SP1: variants seen among roughly 807,000 people sequenced by gnomAD.
SP1 encodes transcription factor Sp1.
A neutral mutation model predicts 66.3 loss-of-function variants in SP1; 6 were observed. The ratio of observed to expected loss-of-function variants is 0.09; its 90% CI spans 0.05 to 0.18. The LOEUF (loss-of-function observed/expected upper bound fraction) is 0.18, where lower values mean the gene tolerates loss of function less well. Ranked by LOEUF, SP1 falls within the 10% of genes least tolerant of loss-of-function variation. The pLI, the probability that SP1 is intolerant of heterozygous loss-of-function variation, is 1.00. For synonymous variants in SP1, 417 were observed against 360.8 expected (o/e 1.16, Z -1.77); for missense variants, 848 against 964.5 (o/e 0.88, Z 1.60).
intron 3 of SP1, among the ~76,000 whole-genome samples, chr12:53,401,801 T>G (rs1938616115): frequency 6.6e-6 from 1 of 152,118 alleles, no homozygotes; most frequent in Admixed American, 6.6e-5. Context: ...TCCAAGTAGC[T>G]AGGATTACAG....
intron 3 of SP1, among the ~76,000 whole-genome samples, chr12:53,393,149 C>G (rs954174532): frequency 8.5e-5 from 13 of 152,158 alleles, no homozygotes; most frequent in Non-Finnish European, 1.2e-4. Context: ...TATAAAATAC[C>G]TAGATCAAGA....
intron 3 of SP1, among the ~76,000 whole-genome samples, chr12:53,397,363 T>C (rs1034385222): frequency 6.6e-6 from 1 of 152,002 alleles, no homozygotes; most frequent in Non-Finnish European, 1.5e-5. Flanking sequence ...TCTCAGCTAA[T>C]TCCTGTCACC....
In SP1 at chr12:53,410,785, G is replaced by A. The variant is rs148929766; in HGVS notation, c.2045-142G>A. On this transcript the variant is annotated intron_variant, in intron 5 of 5. Coordinates refer to ENST00000327443, the MANE Select transcript of SP1 (RefSeq NM_138473.3). ...TGGGATTACAAGCGTGAGCCACCAC[G>A]CCCAGCCACTTGAAGATTTTTCTTG... 1.1e-4 allele frequency: 76 copies of A among 688,392 alleles called. No homozygotes were observed. The East Asian group carries it at 1.6e-3, about 15-fold the overall frequency. 42.6% of individuals were successfully genotyped at this position (688,392 alleles called of 1,614,324 possible).
intron 3 of SP1, among the ~76,000 whole-genome samples, chr12:53,387,305 A>G (rs1043916343): frequency 6.6e-6 from 1 of 152,160 alleles, no homozygotes; most frequent in African/African-American, 2.4e-5. Context: ...TACTTTTGTT[A>G]CCAAGTTCTC....
At chr12:53,386,853 C>A (rs571330125) in intron 3 of SP1, among the ~76,000 whole-genome samples, 15 of 151,618 alleles carry the variant, frequency 9.9e-5, no homozygotes, top group Non-Finnish European at 1.5e-5. Context: ...TAAAAGGATA[C>A]ACATACATCT....
chr12:53,383,352 C>T lies in SP1; in HGVS notation c.1405C>T (p.Leu469=). The T allele has an allele frequency of 6.2e-7, 1 of 1,614,236 alleles. No individual in the cohort carries two copies. Among genetic ancestry groups the T allele is most frequent in the Non-Finnish European group, 8.5e-7 (1 of 1,180,038 alleles). Residue 469 remains leucine, a synonymous_variant, in exon 3 of 6, where the codon CTG becomes TTG. Transcript: ENST00000327443. ...ACAGGTCAGTTGGCAGACTCTACAGCTGCAGAACCTCCAAGTTCAGAACCC... is the reference window on the plus strand; with the variant it reads ...ACAGGTCAGTTGGCAGACTCTACAGTTGCAGAACCTCCAAGTTCAGAACCC... ...NGQVSWQTLQ[L]QNLQVQNPQA...
Position 53,380,247 on chromosome 12 carries a change from C to CCCCCCCCCCCCCCCGG in SP1, c.-39_-38insCCCCCCCCGGCCCCCC. On this transcript the variant is annotated 5_prime_UTR_variant, in exon 1 of 6. Coordinates refer to ENST00000327443, the MANE Select transcript of SP1 (RefSeq NM_138473.3). The stretch of plus-strand genomic sequence containing the variant: ...CCGCGTTTTTCCCGGCCCCCCCCAA[C>CCCCCCCCCCCCCCCGG]CCCCCCGGACAGGACCCCCTTGAGC... 1 of 1,278,088 alleles carries CCCCCCCCCCCCCCCGG rather than the reference C, an allele frequency of 7.8e-7. No homozygotes were observed. Among genetic ancestry groups the CCCCCCCCCCCCCCCGG allele is most frequent in the Non-Finnish European group, 1.1e-6 (1 of 882,490 alleles). The allele number at this position is 1,278,088 out of a possible 1,614,324, so 79.2% of individuals were successfully genotyped here.
At chr12:53,406,805 T>G in intron 4 of SP1, 52 bp downstream of exon 4, 3 of 1,485,982 alleles carry the variant, frequency 2.0e-6, no homozygotes, top group Non-Finnish European at 2.7e-6. Context: ...TTAATAGATT[T>G]GGAGATAAGA....
chr12:53,381,926 TAAGG>T (rs756937683), intron 2 of SP1, 113 bp downstream of exon 2: 211 of 1,277,650 alleles, frequency 1.7e-4, no homozygotes, highest in Non-Finnish European at 2.2e-4. Context: ...ATTTTATAGA[TAAGG>T]AAGTAAGAGA....
chr12:53,382,548 T>C lies in SP1; in HGVS notation c.601T>C (p.Ser201Pro). The C allele has an allele frequency of 6.2e-7, 1 of 1,614,174 alleles. No homozygotes were observed. The highest frequency in any genetic ancestry group is 8.5e-7 in the Non-Finnish European group (1 of 1,180,018). The stretch of plus-strand genomic sequence containing the variant: ...TGGGGCCCAAGTGCAGCAGGATGGT[T>C]CTGGTCAAATACAGATCATACCAGG... Reference protein sequence around the residue: ...ATGAQVQQDGSGQIQIIPGAN... With the variant: ...ATGAQVQQDGPGQIQIIPGAN... The change falls in exon 3 of 6, where the codon TCT (serine) becomes CCT (proline). Residue 201 changes from serine to proline, a missense_variant. Coordinates refer to ENST00000327443, the MANE Select transcript of SP1 (RefSeq NM_138473.3).
At chr12:53,390,713 A>C (rs1404990659) in intron 3 of SP1, among the ~76,000 whole-genome samples, 1 of 152,158 alleles carries the variant, frequency 6.6e-6, no homozygotes, top group African/African-American at 2.4e-5. Flanking sequence ...CTTTGATTTG[A>C]AAATCAGTGG....
chr12:53,380,753 C>T, intron 1 of SP1: 2 of 676,124 alleles, frequency 3.0e-6, no homozygotes, highest in Non-Finnish European at 3.6e-6. Context: ...CGCCCCCCAC[C>T]GTCCCGCCCT....
intron 3 of SP1, among the ~76,000 whole-genome samples, chr12:53,394,561 C>T (rs1229249780): frequency 7.3e-6 from 1 of 137,476 alleles, no homozygotes; most frequent in Non-Finnish European, 1.5e-5. Context: ...GGCCACTGTG[C>T]TGCGTGGTCT....
chr12:53,396,532 C>T (rs1279451671), intron 3 of SP1, among the ~76,000 whole-genome samples: 1 of 152,180 alleles, frequency 6.6e-6, no homozygotes, highest in East Asian at 1.9e-4. Flanking sequence ...CATGCCACTG[C>T]ACTCCAGCCT....
intron 3 of SP1, among the ~76,000 whole-genome samples, chr12:53,396,402 T>A (rs891734158): frequency 1.3e-5 from 2 of 151,742 alleles, no homozygotes; most frequent in African/African-American, 4.8e-5. Context: ...ACCCCGTCTC[T>A]ACTAAAAATA....
intron 3 of SP1, among the ~76,000 whole-genome samples, chr12:53,392,166 A>G (rs1938368525): frequency 6.6e-6 from 1 of 152,024 alleles, no homozygotes; most frequent in Non-Finnish European, 1.5e-5. Context: ...AAATAATTTA[A>G]CCACTTAGAA....
intron 1 of SP1, 102 bp downstream of exon 1, chr12:53,380,400 AGGCGGC>A (rs949953012): frequency 1.9e-6 from 2 of 1,061,384 alleles, no homozygotes; most frequent in Non-Finnish European, 2.5e-6. Flanking sequence ...GGCGGGCGGG[AGGCGGC>A]GGCGGCGGCG....
chr12:53,406,822 A>G, intron 4 of SP1, 69 bp downstream of exon 4: 1 of 1,400,990 alleles, frequency 7.1e-7, no homozygotes, highest in Non-Finnish European at 9.6e-7. Context: ...AAGAGGAAGA[A>G]GATTAATTTT....
At chr12:53,403,164 A>G (rs967653313) in intron 3 of SP1, among the ~76,000 whole-genome samples, 2 of 152,046 alleles carry the variant, frequency 1.3e-5, no homozygotes, top group Admixed American at 6.6e-5. Context: ...AAGCACAAGG[A>G]GAGTTTTATT....
Sources: gnomAD v4.1 joint callset for allele counts (sites outside exome capture counted in the v4.1 genomes callset) on GRCh38, gnomAD v4.1.1 for gene constraint, MANE v1.5 for transcripts, NCBI Gene and HGNC (gene_info 2026-07-23, HGNC 2026-07-21) for gene names.